NELFB: variants seen among roughly 807,000 people sequenced by gnomAD.
NELFB encodes the protein negative elongation factor complex member B, also known as negative elongation factor B.
A neutral mutation model predicts 60.2 loss-of-function variants in NELFB; 34 were observed. That is an observed-to-expected ratio of 0.56 (90% CI 0.43 to 0.75). The LOEUF is 0.75. Among genes scored for constraint, NELFB ranks in the 30% least tolerant of loss-of-function variants. NELFB has a pLI of 0.00. For missense variants in NELFB, 770 were observed against 831.6 expected (o/e 0.93, Z 0.91); for synonymous variants, 459 against 382.1 (o/e 1.20, Z -2.35).
intron 4 of NELFB, among the ~76,000 whole-genome samples, chr9:137,260,820 G>A (rs1830430288): frequency 6.6e-6 from 1 of 151,986 alleles, no homozygotes; most frequent in African/African-American, 2.4e-5. Flanking sequence ...CAGCACTTTG[G>A]GAGGCAGAGG....
In NELFB at chr9:137,260,984, G is replaced by A. The variant is rs557929562; in HGVS notation, c.742-2053G>A. Among the ~76,000 whole-genome samples, 15 of 151,700 alleles carry A rather than the reference G, an allele frequency of 9.9e-5. 1 individual carries two copies. The East Asian group carries it at 2.4e-3, about 24-fold the overall frequency. On this transcript the variant is annotated intron_variant, in intron 4 of 12. Coordinates refer to ENST00000343053, the MANE Select transcript of NELFB (RefSeq NM_015456.5). ...TGAGGCAGGAGAATCACTTGAACCC[G>A]GGAGGTGGAGGTTGCAGTTAGCCAA...
At position 137,264,337 on chromosome 9, in the gene NELFB, G is replaced by C; in HGVS notation, c.1020G>C (p.Lys340Asn). The change falls in exon 6 of 13, where the codon AAG (lysine) becomes AAC (asparagine). Residue 340 changes from lysine to asparagine, a missense_variant. Physicochemically the swap from Lys to Asn is moderately conservative, Grantham distance 94. Coordinates refer to ENST00000343053, the MANE Select transcript of NELFB (RefSeq NM_015456.5). ...AGGGGTTTCTCGATGGCGTCAAGAAGGGCCAGGAGCAGGTGCTGGGGTGAG... is the reference window on the plus strand; with the variant it reads ...AGGGGTTTCTCGATGGCGTCAAGAACGGCCAGGAGCAGGTGCTGGGGTGAG... 6.3e-7 allele frequency: 1 copy of C among 1,595,768 alleles called. No individual in the cohort carries two copies. Among genetic ancestry groups the C allele is most frequent in the Middle Eastern group, 1.9e-4 (1 of 5,392 alleles).
At chr9:137,258,778 G>T (rs993310647) in intron 4 of NELFB, among the ~76,000 whole-genome samples, 2 of 151,886 alleles carry the variant, frequency 1.3e-5, no homozygotes, top group African/African-American at 4.8e-5. Context: ...AACTAGCACT[G>T]TTCAGTGGAA....
At chr9:137,266,021 C>T in intron 7 of NELFB, 42 bp downstream of exon 7, 1 of 1,452,578 alleles carries the variant, frequency 6.9e-7, no homozygotes, top group Non-Finnish European at 9.6e-7. Flanking sequence ...GCCATGCGGC[C>T]ACTCCGCTGG....
rs1420817737 is a variant in NELFB, at chr9:137,255,337, C to G, written c.-29C>G. The stretch of plus-strand genomic sequence containing the variant: ...GGGGCGGAAGTGGGCGGCTGCGGGA[C>G]GCGCGCGGAGTCGCGCGGCGGGCGG... On this transcript the variant is annotated 5_prime_UTR_variant, in exon 1 of 13. Transcript: ENST00000343053. 8.3e-6 allele frequency: 3 copies of G among 360,062 alleles called. No individual in the cohort carries two copies. The highest frequency in any genetic ancestry group is 1.0e-4 in the East Asian group (2 of 19,770). 22.3% of individuals were successfully genotyped at this position (360,062 alleles called of 1,614,324 possible). A position where few individuals can be genotyped will look rare whatever the true frequency, so the allele number is the denominator to read the frequency against.
chr9:137,256,555 TG>T, intron 3 of NELFB, 127 bp downstream of exon 3: 1 of 841,522 alleles, frequency 1.2e-6, no homozygotes, highest in Non-Finnish European at 1.9e-6. Flanking sequence ...GTGCTGTCCA[TG>T]GTGAGCTCTG....
intron 1 of NELFB, 57 bp from the exon 2 acceptor site, chr9:137,255,850 A>T (rs1564441035): frequency 6.3e-7 from 1 of 1,594,666 alleles, no homozygotes; most frequent in Non-Finnish European, 8.5e-7. Flanking sequence ...TGCTCTCAGG[A>T]CCTCGGGGTG....
At position 137,266,399 on chromosome 9, in the gene NELFB, C is replaced by T. The variant is rs982936067; in HGVS notation, c.1212C>T (p.Asp404=). 1 of 1,612,968 alleles carries T rather than the reference C, an allele frequency of 6.2e-7. No homozygotes were observed. The highest frequency in any genetic ancestry group is 1.1e-5 in the South Asian group (1 of 91,086). The change falls in exon 8 of 13, where the codon GAC becomes GAT. Residue 404 remains aspartate (D), a synonymous_variant. Transcript: ENST00000343053. Reference sequence around the variant, plus strand: ...GCCAGGGAGCCTGGGACATGATCGACAGCCAGGTCTTCAAGGAGCCCAAGA... The same window carrying T: ...GCCAGGGAGCCTGGGACATGATCGATAGCCAGGTCTTCAAGGAGCCCAAGA...
Position 137,264,293 on chromosome 9 carries a change from A to G in NELFB, c.976A>G (p.Lys326Glu). Residue 326 changes from lysine to glutamate, a missense_variant, in exon 6 of 13, where the codon AAG (lysine) becomes GAG (glutamate). Lys to Glu is a moderately conservative substitution (Grantham distance 56). Coordinates refer to ENST00000343053, the MANE Select transcript of NELFB (RefSeq NM_015456.5). ...CATCCGAGAGCGGTTCGTGGACAGCAAGAGGGCGCGGGAGCTGCAGGGGTT... is the reference window on the plus strand; with the variant it reads ...CATCCGAGAGCGGTTCGTGGACAGCGAGAGGGCGCGGGAGCTGCAGGGGTT... The G allele has an allele frequency of 6.2e-7, 1 of 1,605,304 alleles. No homozygotes were observed. Among genetic ancestry groups the G allele is most frequent in the South Asian group, 1.1e-5 (1 of 89,012 alleles).
chr9:137,264,759 G>T (rs1588187870), intron 6 of NELFB, among the ~76,000 whole-genome samples: 1 of 152,076 alleles, frequency 6.6e-6, no homozygotes, highest in African/African-American at 2.4e-5. Context: ...GCGCCACCGT[G>T]CCTGGCCTCC....
In NELFB at chr9:137,255,335, G is replaced by A; in HGVS notation, c.-31G>A. On this transcript the variant is annotated 5_prime_UTR_variant, in exon 1 of 13. Coordinates refer to ENST00000343053, the MANE Select transcript of NELFB (RefSeq NM_015456.5). ...GCGGGGCGGAAGTGGGCGGCTGCGG[G>A]ACGCGCGCGGAGTCGCGCGGCGGGC... 5.7e-6 allele frequency: 2 copies of A among 353,510 alleles called. No individual in the cohort carries two copies. Among genetic ancestry groups the A allele is most frequent in the Non-Finnish European group, 9.6e-6 (2 of 209,134 alleles). The allele number at this position is 353,510 out of a possible 1,614,324, so 21.9% of individuals were successfully genotyped here.
intron 4 of NELFB, among the ~76,000 whole-genome samples, chr9:137,259,539 A>T (rs1193724606): frequency 6.6e-6 from 1 of 151,974 alleles, no homozygotes; most frequent in Non-Finnish European, 1.5e-5. Context: ...CCTTTCTCCT[A>T]TCGCCTGTCT....
At position 137,265,822 on chromosome 9, in the gene NELFB, C is replaced by T. The variant is rs866863333; in HGVS notation, c.1041-55C>T. Reference sequence around the variant, plus strand: ...AGGCCACCCCTCCTGAGGACTGTGCCGCTGAAGGGAGGGGCAACAGGCGTC... The same window carrying T: ...AGGCCACCCCTCCTGAGGACTGTGCTGCTGAAGGGAGGGGCAACAGGCGTC... On this transcript the variant is annotated intron_variant, in intron 6 of 12. Transcript: ENST00000343053. 96 of 1,200,298 alleles carry T rather than the reference C, an allele frequency of 8.0e-5. 1 individual carries two copies. The Middle Eastern group carries it at 3.8e-3, about 47-fold the overall frequency. The allele number at this position is 1,200,298 out of a possible 1,614,324, so 74.4% of individuals were successfully genotyped here. A position where few individuals can be genotyped will look rare whatever the true frequency, so the allele number is the denominator to read the frequency against.
rs376737086 is a variant in NELFB at position 137,267,337 on chromosome 9, C to T, written c.1480C>T (p.Pro494Ser). The T allele has an allele frequency of 8.7e-6, 14 of 1,607,946 alleles. No homozygotes were observed. The highest frequency in any genetic ancestry group is 1.1e-5 in the South Asian group (1 of 90,334). Reference sequence around the variant, plus strand: ...CAAGAACGCGCTCCTCCGCCTGCTGCCCGGGCTGGGTAAGTCCTGACGGGC... The same window carrying T: ...CAAGAACGCGCTCCTCCGCCTGCTGTCCGGGCTGGGTAAGTCCTGACGGGC... Residue 494 changes from proline (P) to serine (S), a missense_variant, in exon 10 of 13, where the codon CCC (proline) becomes TCC (serine). Transcript: ENST00000343053.
intron 7 of NELFB, 141 bp downstream of exon 7, chr9:137,266,120 G>T: frequency 1.3e-6 from 1 of 786,868 alleles, no homozygotes; most frequent in Non-Finnish European, 2.1e-6. Flanking sequence ...TGCTCTGGTG[G>T]TCGGGGATGT....
intron 10 of NELFB, 76 bp downstream of exon 10, chr9:137,267,422 G>A: frequency 1.5e-6 from 2 of 1,308,080 alleles, no homozygotes; most frequent in Non-Finnish European, 2.1e-6. Context: ...CAGGGTGCGG[G>A]CCCCAGGGCC....
chr9:137,270,280 CAAAAAAA>C (rs989557010), intron 10 of NELFB, among the ~76,000 whole-genome samples: 4 of 53,316 alleles, frequency 7.5e-5, no homozygotes, highest in African/African-American at 2.8e-4. Context: ...GACTCCGTCT[CAAAAAAA>C]AAAAAAAAAA....
In NELFB at chr9:137,272,184, C is replaced by G. The variant is rs1251883017; in HGVS notation, c.1593C>G (p.Ser531Arg). The change falls in exon 11 of 13, where the codon AGC becomes AGG. Residue 531 changes from serine (S) to arginine (R), a missense_variant. Ser to Arg is a moderately radical substitution (Grantham distance 110). Transcript: ENST00000343053. ...AATTTGCCCTTGAGGACTTCTGCAG[C>G]AGCCTCTTCGATGGCTTCTTCCTCA... is the stretch of plus-strand genomic sequence containing the variant. 1 of 1,614,074 alleles carries G rather than the reference C, an allele frequency of 6.2e-7. No individual in the cohort carries two copies. Among genetic ancestry groups the G allele is most frequent in the Non-Finnish European group, 8.5e-7 (1 of 1,180,044 alleles).
Position 137,265,958 on chromosome 9 carries a change from C to A in NELFB, c.1122C>A (p.Val374=). Residue 374 remains valine, a synonymous_variant, in exon 7 of 13, where the codon GTC becomes GTA. Coordinates refer to ENST00000343053, the MANE Select transcript of NELFB (RefSeq NM_015456.5). ...CAGTCAGGCACCTGCAGGAGCTGGT[C>A]GGCCAGGAGACACTGCCCAGGGTGA... The A allele has an allele frequency of 6.2e-7, 1 of 1,612,614 alleles. No individual in the cohort carries two copies. Among genetic ancestry groups the A allele is most frequent in the South Asian group, 1.1e-5 (1 of 91,036 alleles).
Sources: gnomAD v4.1 joint callset for allele counts (sites outside exome capture counted in the v4.1 genomes callset) on GRCh38, gnomAD v4.1.1 for gene constraint, MANE v1.5 for transcripts, NCBI Gene and HGNC (gene_info 2026-07-23, HGNC 2026-07-21) for gene names.